ARID3A: variants seen among roughly 807,000 people sequenced by gnomAD.
ARID3A encodes AT-rich interaction domain 3A, also known as AT-rich interactive domain-containing protein 3A.
A neutral mutation model predicts 52.7 loss-of-function variants in ARID3A; 11 were observed. The observed-to-expected ratio is 0.21, with a 90% CI of 0.13 to 0.35. The LOEUF (loss-of-function observed/expected upper bound fraction) is 0.35, where lower values mean the gene tolerates loss of function less well. ARID3A is among the 10% of genes least tolerant of loss of function. The pLI is 1.00. For synonymous variants in ARID3A, 404 were observed against 359.4 expected (o/e 1.12, Z -1.40); for missense variants, 721 against 838.5 (o/e 0.86, Z 1.73).
At chr19:953,480 C>T (rs555624721) in intron 3 of ARID3A, among the ~76,000 whole-genome samples, 10 of 152,070 alleles carry the variant, frequency 6.6e-5, no homozygotes, top group Admixed American at 3.3e-4. Context: ...CCCACACCCC[C>T]CCCCGTGCAG....
At position 932,724 on chromosome 19, in the gene ARID3A, C is replaced by G. The variant is rs750779148; in HGVS notation, c.675C>G (p.Tyr225Ter). The G allele has an allele frequency of 6.5e-7, 1 of 1,547,244 alleles. No homozygotes were observed. The highest frequency in any genetic ancestry group is 8.7e-7 in the Non-Finnish European group (1 of 1,146,434). ...CGCCTGACCACGGCGACTGGACTTA[C>G]GAGGAGCAGTTTAAGCAGGTGAGTG... is the stretch of plus-strand genomic sequence containing the variant. ...LQPPDHGDWT[Y>*]EEQFKQLYEL... is the part of the protein sequence containing the mutation. Residue 225 changes from tyrosine (Y) to a stop codon, truncating the protein, a stop_gained, in exon 3 of 9, where the codon TAC becomes TAG. Coordinates refer to ENST00000263620, the MANE Select transcript of ARID3A (RefSeq NM_005224.3). LOFTEE classifies it high-confidence loss of function.
intron 3 of ARID3A, among the ~76,000 whole-genome samples, chr19:935,900 C>G (rs1472215339): frequency 6.6e-6 from 1 of 152,208 alleles, no homozygotes; most frequent in Non-Finnish European, 1.5e-5. Context: ...ACGCCATTCT[C>G]CTGCCTCAGC....
At chr19:970,366 G>A (rs2038250520) in intron 8 of ARID3A, among the ~76,000 whole-genome samples, 1 of 152,062 alleles carries the variant, frequency 6.6e-6, no homozygotes, top group Non-Finnish European at 1.5e-5. Flanking sequence ...TGGAGTCAGT[G>A]CCAGGGGCAG....
rs919683776 is a variant in ARID3A, at chr19:942,443, G to A, written c.693+9701G>A. Among the ~76,000 whole-genome samples, 1 of 152,208 alleles carries A rather than the reference G, an allele frequency of 6.6e-6. No individual in the cohort carries two copies. Among genetic ancestry groups the A allele is most frequent in the Non-Finnish European group, 1.5e-5 (1 of 68,034 alleles). ...GAGCCGCTGCGGTGCCGACCTGGTGGGTGGCACACGGGGGGCGGGTGCGGA... is the reference window on the plus strand; with the variant it reads ...GAGCCGCTGCGGTGCCGACCTGGTGAGTGGCACACGGGGGGCGGGTGCGGA... On this transcript the variant is annotated intron_variant, in intron 3 of 8. Transcript: ENST00000263620. The surrounding 1 kb of genome is among the most constrained non-coding windows in gnomAD (Gnocchi z 8.1).
intron 3 of ARID3A, among the ~76,000 whole-genome samples, chr19:936,934 C>T (rs1437039078): frequency 2.6e-5 from 4 of 152,136 alleles, no homozygotes; most frequent in Admixed American, 1.3e-4. Flanking sequence ...ACATCCCCTC[C>T]TGCCTCTGTG....
chr19:930,545 T>C (rs1337286257), intron 2 of ARID3A, among the ~76,000 whole-genome samples: 3 of 149,808 alleles, frequency 2.0e-5, no homozygotes, highest in African/African-American at 4.9e-5. Flanking sequence ...GTCTTGCTCT[T>C]TTCGCCCAGG....
intron 3 of ARID3A, among the ~76,000 whole-genome samples, chr19:958,656 G>C (rs2145436528): frequency 6.6e-6 from 1 of 152,178 alleles, no homozygotes; most frequent in East Asian, 1.9e-4. Context: ...CACTTTGGGA[G>C]GCCGAGGCGG....
chr19:963,045 T>C (rs1011976708), intron 4 of ARID3A, among the ~76,000 whole-genome samples: 2 of 152,150 alleles, frequency 1.3e-5, no homozygotes, highest in Non-Finnish European at 2.9e-5. Context: ...GGGAAGGGCC[T>C]GGAAGTGGCG....
At position 971,966 on chromosome 19, in the gene ARID3A, A is replaced by G; in HGVS notation, c.1683A>G (p.Ala561=). Residue 561 remains alanine, a synonymous_variant, in exon 9 of 9, where the codon GCA becomes GCG. Transcript: ENST00000263620. ...GGGGGGSSSN[A]GGRGGNTGTS... Reference sequence around the variant, plus strand: ...GCGGCGGCGGCAGCAGCAGCAACGCAGGCGGCCGGGGAGGAAACACCGGAA... The same window carrying G: ...GCGGCGGCGGCAGCAGCAGCAACGCGGGCGGCCGGGGAGGAAACACCGGAA... 6.2e-7 allele frequency: 1 copy of G among 1,601,506 alleles called. No homozygotes were observed. Among genetic ancestry groups the G allele is most frequent in the Non-Finnish European group, 8.5e-7 (1 of 1,174,508 alleles).
In ARID3A at chr19:974,148, G is replaced by A; in HGVS notation, c.*2083G>A. 1 of 223,410 alleles carries A rather than the reference G, an allele frequency of 4.5e-6. No homozygotes were observed. The highest frequency in any genetic ancestry group is 8.9e-6 in the Non-Finnish European group (1 of 111,954). 13.8% of individuals were successfully genotyped at this position (223,410 alleles called of 1,614,324 possible). A position where few individuals can be genotyped will look rare whatever the true frequency, so the allele number is the denominator to read the frequency against. ...TGCCTTGGAGACCCCTGGGGAGGGG[G>A]CTGGGGGGCTTCTGAGCCCCTGAGT... On this transcript the variant is annotated 3_prime_UTR_variant, in exon 9 of 9. Transcript: ENST00000263620.
intron 3 of ARID3A, among the ~76,000 whole-genome samples, chr19:948,852 G>A (rs1306334814): frequency 1.3e-5 from 2 of 152,172 alleles, no homozygotes; most frequent in African/African-American, 4.8e-5. Flanking sequence ...TGGGACTACA[G>A]GCGTGCGCCA....
At chr19:971,390 T>C (rs1440403846) in intron 8 of ARID3A, among the ~76,000 whole-genome samples, 1 of 152,164 alleles carries the variant, frequency 6.6e-6, no homozygotes, top group Non-Finnish European at 1.5e-5. Context: ...GGTGGGTGGA[T>C]CACCTGAGGT....
rs1323162225 is a variant in ARID3A, at chr19:959,113, C to T, written c.694-979C>T. ...TTTGATGTTCACACTGACGAAATCA[C>T]CAACAGACATTTATCAGGACGCATC... On this transcript the variant is annotated intron_variant, in intron 3 of 8. Transcript: ENST00000263620. The surrounding 1 kb of genome is among the most constrained non-coding windows in gnomAD (Gnocchi z 5.0). Among the ~76,000 whole-genome samples the T allele has an allele frequency of 6.6e-6, 1 of 152,144 alleles. No individual in the cohort carries two copies. Among genetic ancestry groups the T allele is most frequent in the Non-Finnish European group, 1.5e-5 (1 of 68,028 alleles).
Position 929,884 on chromosome 19 carries a change from C to T in ARID3A, c.356C>T (p.Ser119Phe). The T allele has an allele frequency of 1.9e-6, 3 of 1,541,612 alleles. No individual in the cohort carries two copies. The highest frequency in any genetic ancestry group is 2.6e-6 in the Non-Finnish European group (3 of 1,146,848). ...PGEEHFEDMA[S>F]DEDMKPKWEE... Reference sequence around the variant, plus strand: ...GAGGAGCACTTTGAGGACATGGCCTCCGACGAGGACATGTGAGTTGGGGTC... The same window carrying T: ...GAGGAGCACTTTGAGGACATGGCCTTCGACGAGGACATGTGAGTTGGGGTC... Residue 119 changes from serine to phenylalanine, a missense_variant, in exon 2 of 9, where the codon TCC (serine) becomes TTC (phenylalanine). Around this residue, in one of 5 missense-constraint regions of ARID3A, gnomAD observed 349 missense variants for 297.3 expected, o/e 1.17. Coordinates refer to ENST00000263620, the MANE Select transcript of ARID3A (RefSeq NM_005224.3). The surrounding 1 kb of genome is among the most constrained non-coding windows in gnomAD (Gnocchi z 6.2).
At position 975,204 on chromosome 19, in the gene ARID3A, A is replaced by T. The variant is rs2038355740; in HGVS notation, c.*3139A>T. Reference sequence around the variant, plus strand: ...GAGGACCCTGGATGGGTTCTAGTTCACTTGGGACCGTGGGGCCTGGCTGCG... The same window carrying T: ...GAGGACCCTGGATGGGTTCTAGTTCTCTTGGGACCGTGGGGCCTGGCTGCG... On this transcript the variant is annotated 3_prime_UTR_variant, in exon 9 of 9. Transcript: ENST00000263620. The T allele has an allele frequency of 4.3e-6, 1 of 230,994 alleles. No homozygotes were observed. The highest frequency in any genetic ancestry group is 5.7e-5 in the Admixed American group (1 of 17,672). The allele number at this position is 230,994 out of a possible 1,614,324, so 14.3% of individuals were successfully genotyped here. A position where few individuals can be genotyped will look rare whatever the true frequency, so the allele number is the denominator to read the frequency against.
intron 2 of ARID3A, among the ~76,000 whole-genome samples, chr19:930,730 C>A (rs1016838960): frequency 6.6e-6 from 1 of 150,688 alleles, no homozygotes; most frequent in Non-Finnish European, 1.5e-5. Flanking sequence ...AAGATGGTCT[C>A]GATCTCCTGA....
Position 938,389 on chromosome 19 carries a change from A to G in ARID3A, c.693+5647A>G, listed in dbSNP as rs942785586. ...GTCTCCCAGATCCTCACTGGATCCC[A>G]AGGAGCTGCCGTTGAACCTGTTGTG... On this transcript the variant is annotated intron_variant, in intron 3 of 8. Transcript: ENST00000263620. This position sits in a 1 kb window ranked among gnomAD's most constrained non-coding sequence, Gnocchi z 4.0. Among the ~76,000 whole-genome samples the G allele has an allele frequency of 1.6e-4, 24 of 152,178 alleles. No individual in the cohort carries two copies. Among genetic ancestry groups the G allele is most frequent in the Admixed American group, 7.9e-4 (12 of 15,270 alleles).
chr19:970,129 A>G lies in ARID3A; in HGVS notation c.1594+1626A>G, dbSNP rs1302188108. 2.6e-5 allele frequency among the ~76,000 whole-genome samples: 4 copies of G among 152,004 alleles called. No homozygotes were observed. In the East Asian group the frequency reaches 7.8e-4, roughly 29 times the overall value. On this transcript the variant is annotated intron_variant, in intron 8 of 8. Coordinates refer to ENST00000263620, the MANE Select transcript of ARID3A (RefSeq NM_005224.3). ...GGAGTTCAAGACCAGCCTGATCAAC[A>G]TGGTGAAACCCCATCTTCCCTAAAA... is the stretch of plus-strand genomic sequence containing the variant.
chr19:973,850 C>G lies in ARID3A; in HGVS notation c.*1785C>G, dbSNP rs2038330031. The G allele has an allele frequency of 4.3e-6, 1 of 230,518 alleles. No individual in the cohort carries two copies. The highest frequency in any genetic ancestry group is 5.7e-5 in the Admixed American group (1 of 17,690). 14.3% of individuals were successfully genotyped at this position (230,518 alleles called of 1,614,324 possible). A position where few individuals can be genotyped will look rare whatever the true frequency, so the allele number is the denominator to read the frequency against. ...CAGCTGAGCTGGGGGGTTATTTTGG[C>G]TGGAGCTGCTGGAGCAGAAAGGCTG... On this transcript the variant is annotated 3_prime_UTR_variant, in exon 9 of 9. Coordinates refer to ENST00000263620, the MANE Select transcript of ARID3A (RefSeq NM_005224.3).
Sources: gnomAD v4.1 joint callset for allele counts (sites outside exome capture counted in the v4.1 genomes callset) on GRCh38, gnomAD v4.1.1 for gene constraint, gnomAD v4.1.1 regional missense constraint, Gnocchi (gnomAD v3.1) non-coding constraint, MANE v1.5 for transcripts, NCBI Gene and HGNC (gene_info 2026-07-23, HGNC 2026-07-21) for gene names.